The following OVOL2 variants were observed in gnomAD, a reference collection of about 807,000 sequenced individuals.
The protein encoded by OVOL2 is transcription factor Ovo-like 2.
A neutral mutation model predicts 18.1 loss-of-function variants in OVOL2; 13 were observed. The ratio of observed to expected loss-of-function variants is 0.72; its 90% confidence interval spans 0.47 to 1.14. OVOL2 has a LOEUF of 1.14. Ranked by LOEUF, OVOL2 falls within the 50% of genes most tolerant of loss-of-function variation. The pLI is 0.00. For synonymous variants in OVOL2, 166 were observed against 162.7 expected, an observed-to-expected ratio of 1.02 and a Z score of -0.16; for missense variants, 335 against 383.0, an observed-to-expected ratio of 0.87 and a Z score of 1.05.
At chr20:18,034,855 G>A (rs1237170715) in intron 3 of OVOL2, among the ~76,000 whole-genome samples, 1 of 152,052 alleles carries the variant, frequency 6.6e-6, no homozygotes, top group Non-Finnish European at 1.5e-5. Flanking sequence ...TAGTTGCAGG[G>A]GATTGGAAGA....
At chr20:18,025,342 C>T (rs1032622318) in intron 3 of OVOL2, among the ~76,000 whole-genome samples, 6 of 152,188 alleles carry the variant, frequency 3.9e-5, no homozygotes, top group South Asian at 2.1e-4. Context: ...CCGAGGCAGG[C>T]GGATGACTTG....
chr20:18,039,814 C>G (rs370046686), intron 3 of OVOL2, among the ~76,000 whole-genome samples: 1 of 152,090 alleles, frequency 6.6e-6, no homozygotes, highest in Admixed American at 6.6e-5. Flanking sequence ...AAGAAGGAAC[C>G]TGTATGAGGG....
chr20:18,050,095 G>A (rs182336719), intron 2 of OVOL2, among the ~76,000 whole-genome samples: 3 of 152,248 alleles, frequency 2.0e-5, no homozygotes, highest in Non-Finnish European at 2.9e-5. Flanking sequence ...ATGCTTTAAA[G>A]GTTCCTGTAG....
chr20:18,029,989 AAAC>A (rs1412109713), intron 3 of OVOL2, among the ~76,000 whole-genome samples: 7 of 152,112 alleles, frequency 4.6e-5, no homozygotes, highest in African/African-American at 1.7e-4. Flanking sequence ...GAAAAACAGA[AAAC>A]AAACAAACCA....
Position 18,024,594 on chromosome 20 carries a change from C to T in OVOL2, c.*42G>A, listed in dbSNP as rs574721145. 2.7e-5 allele frequency: 41 copies of T among 1,509,346 alleles called. No individual in the cohort carries two copies. In the Admixed American group the frequency reaches 3.9e-4, roughly 14 times the overall value. 93.5% of individuals were successfully genotyped at this position (1,509,346 alleles called of 1,614,324 possible). A position where few individuals can be genotyped will look rare whatever the true frequency, so the allele number is the denominator to read the frequency against. Reference sequence around the variant, plus strand: ...GCTGAAAACCAAAAATCCACGTAGACATACGTGGCAGTGTGAACGTCTGTC... The same window carrying T: ...GCTGAAAACCAAAAATCCACGTAGATATACGTGGCAGTGTGAACGTCTGTC... On this transcript the variant is annotated 3_prime_UTR_variant, in exon 4 of 4. Coordinates refer to ENST00000278780, the MANE Select transcript of OVOL2 (RefSeq NM_021220.4).
intron 3 of OVOL2, among the ~76,000 whole-genome samples, chr20:18,034,367 C>T (rs2036595833): frequency 2.6e-5 from 4 of 152,278 alleles, no homozygotes; most frequent in Admixed American, 6.5e-5. Flanking sequence ...CACTCCTGAT[C>T]CCCCCTGGGA....
At chr20:18,026,622 C>G (rs2036520896) in intron 3 of OVOL2, among the ~76,000 whole-genome samples, 1 of 152,172 alleles carries the variant, frequency 6.6e-6, no homozygotes, top group South Asian at 2.1e-4. Flanking sequence ...ACCTTGTGAT[C>G]TGCCCCCCTC....
intron 3 of OVOL2, among the ~76,000 whole-genome samples, chr20:18,033,441 C>T (rs777122049): frequency 3.3e-5 from 5 of 152,212 alleles, no homozygotes; most frequent in East Asian, 1.9e-4. Context: ...CCCTGGGCCA[C>T]GTGGCTCCCT....
intron 3 of OVOL2, among the ~76,000 whole-genome samples, chr20:18,037,469 C>T (rs1272740153): frequency 6.6e-6 from 1 of 152,254 alleles, no homozygotes; most frequent in Non-Finnish European, 1.5e-5. Flanking sequence ...GCCTGCAGGG[C>T]TGTGTTACTC....
intron 2 of OVOL2, among the ~76,000 whole-genome samples, chr20:18,047,690 T>C (rs139875773): frequency 0.058 from 8,220 of 141,524 alleles, 300 homozygotes; most frequent in African/African-American, 0.088. Flanking sequence ...CCCGCCTCTA[T>C]TAAAAATACA....
chr20:18,025,462 G>T (rs947952681), intron 3 of OVOL2, among the ~76,000 whole-genome samples: 1 of 152,078 alleles, frequency 6.6e-6, no homozygotes, highest in African/African-American at 2.4e-5. Context: ...CCAGCAACTC[G>T]GGAGGCTGAG....
intron 3 of OVOL2, among the ~76,000 whole-genome samples, chr20:18,032,069 A>C (rs1365884537): frequency 1.3e-5 from 2 of 152,182 alleles, no homozygotes; most frequent in African/African-American, 4.8e-5. Context: ...GCCATAAAAA[A>C]AAATCACACT....
At chr20:18,049,474 T>C (rs189701905) in intron 2 of OVOL2, among the ~76,000 whole-genome samples, 124 of 152,312 alleles carry the variant, frequency 8.1e-4, no homozygotes, top group African/African-American at 2.5e-3. Context: ...TTGGACCAGA[T>C]TTCCACCGAC....
At chr20:18,034,357 C>T (rs747576780) in intron 3 of OVOL2, among the ~76,000 whole-genome samples, 13 of 152,190 alleles carry the variant, frequency 8.5e-5, no homozygotes, top group Admixed American at 5.9e-4. Context: ...AGTCCATTCA[C>T]ACTCCTGATC....
At chr20:18,055,174 T>C (rs1315325171) in intron 2 of OVOL2, among the ~76,000 whole-genome samples, 1 of 152,142 alleles carries the variant, frequency 6.6e-6, no homozygotes, top group African/African-American at 2.4e-5. Context: ...AACGGCCCTG[T>C]GTGCCTGAGG....
intron 3 of OVOL2, among the ~76,000 whole-genome samples, chr20:18,025,197 G>A (rs2036501438): frequency 6.6e-6 from 1 of 152,156 alleles, no homozygotes. Context: ...ACCTGCTTTA[G>A]GGAGGAAGAT....
chr20:18,031,986 G>A (rs546331230), intron 3 of OVOL2, among the ~76,000 whole-genome samples: 2 of 152,100 alleles, frequency 1.3e-5, no homozygotes, highest in African/African-American at 2.4e-5. Flanking sequence ...GAACTTCAGC[G>A]AGAAGATTTT....
rs2036734107 is a variant in OVOL2, at chr20:18,047,601, CCT to C, written c.322-5880_322-5879del. Among the ~76,000 whole-genome samples the C allele has an allele frequency of 2.0e-5, 3 of 148,334 alleles. 1 individual carries two copies. The highest frequency in any genetic ancestry group is 7.6e-5 in the African/African-American group (3 of 39,672). On this transcript the variant is annotated intron_variant, in intron 2 of 3. Transcript: ENST00000278780. ...GGGCACAGTGGCTCACACCTGTAATCCTAGTACTTTGGGAGGCCAAGGCCGGT... is the reference window on the plus strand; with the variant it reads ...GGGCACAGTGGCTCACACCTGTAATCAGTACTTTGGGAGGCCAAGGCCGGT...
At chr20:18,029,609 A>G (rs116267722) in intron 3 of OVOL2, among the ~76,000 whole-genome samples, 348 of 152,210 alleles carry the variant, frequency 2.3e-3, no homozygotes, top group African/African-American at 8.2e-3. Flanking sequence ...TGCCAGTATT[A>G]ATAATAATAA....
Sources: gnomAD v4.1 joint callset for allele counts (sites outside exome capture counted in the v4.1 genomes callset) on GRCh38, gnomAD v4.1.1 for gene constraint, MANE v1.5 for transcripts, NCBI Gene and HGNC (gene_info 2026-07-23, HGNC 2026-07-21) for gene names.